Variants in TFIP11 observed in about 807,000 individuals in gnomAD.
The protein encoded by TFIP11 is tuftelin interacting protein 11.
A neutral mutation model predicts 96.8 loss-of-function variants in TFIP11; 86 were observed. That is an observed-to-expected ratio of 0.89 (90% CI 0.75 to 1.06). The LOEUF (loss-of-function observed/expected upper bound fraction) is 1.06, where lower values mean the gene tolerates loss of function less well. Ranked by LOEUF, TFIP11 falls within the 50% of genes least tolerant of loss-of-function variation. The pLI is 0.00. For synonymous variants in TFIP11, 405 were observed against 395.2 expected, an observed-to-expected ratio of 1.02 and a Z score of -0.29; for missense variants, 881 against 1,076.7, an observed-to-expected ratio of 0.82 and a Z score of 2.54.
Position 26,502,016 on chromosome 22 carries a change from G to T in TFIP11, c.685C>A (p.Pro229Thr). Residue 229 changes from proline to threonine, a missense_variant, in exon 8 of 15, where the codon CCA becomes ACA. Pro to Thr is a conservative substitution (Grantham distance 38). Coordinates refer to ENST00000407690, the MANE Select transcript of TFIP11 (RefSeq NM_012143.4). ...TTGGGCTTCTTCTTGCTTCCACTTG[G>T]GTCTTTCCTCCACTGGCTCAGCTCC... ...QKELSQWRKD[P>T]SGSKKKPKYS... The T allele has an allele frequency of 6.2e-7, 1 of 1,613,796 alleles. No homozygotes were observed. The highest frequency in any genetic ancestry group is 8.5e-7 in the Non-Finnish European group (1 of 1,179,988).
At chr22:26,496,691 G>A (rs1308434843) in intron 11 of TFIP11, 30 bp downstream of exon 11, 1 of 1,608,836 alleles carries the variant, frequency 6.2e-7, no homozygotes, top group East Asian at 2.2e-5. Flanking sequence ...GATTAGTGAT[G>A]ACGACTGTTT....
intron 13 of TFIP11, 35 bp downstream of exon 13, chr22:26,494,762 C>G (rs745800331): frequency 5.0e-6 from 8 of 1,613,246 alleles, no homozygotes; most frequent in African/African-American, 1.3e-5. Flanking sequence ...CCACCCAGTT[C>G]CCTCCCCCAG....
intron 8 of TFIP11, among the ~76,000 whole-genome samples, chr22:26,500,939 A>G (rs1922707651): frequency 1.5e-5 from 2 of 134,428 alleles, no homozygotes; most frequent in Admixed American, 1.8e-4. Flanking sequence ...GCTGGAGTGC[A>G]GTGGCACGAT....
chr22:26,508,719 C>A (rs1923705757), intron 4 of TFIP11, among the ~76,000 whole-genome samples: 1 of 152,102 alleles, frequency 6.6e-6, no homozygotes. Context: ...ATGGCACATG[C>A]CTGTAGTCCC....
intron 8 of TFIP11, among the ~76,000 whole-genome samples, chr22:26,501,434 A>C (rs1322069874): frequency 6.6e-6 from 1 of 152,098 alleles, no homozygotes; most frequent in Non-Finnish European, 1.5e-5. Context: ...TTATATACAA[A>C]CTAACCAGCC....
Position 26,499,642 on chromosome 22 carries a change from A to G in TFIP11, c.802-11T>C, listed in dbSNP as rs1274536466. Reference sequence around the variant, plus strand: ...TGTCATGTCTATGACCTTGGAAAACATAGAGGGATGAAGGTTAACACCGCT... The same window carrying G: ...TGTCATGTCTATGACCTTGGAAAACGTAGAGGGATGAAGGTTAACACCGCT... On this transcript the variant is annotated splice_polypyrimidine_tract_variant and intron_variant, in intron 8 of 14. Coordinates refer to ENST00000407690, the MANE Select transcript of TFIP11 (RefSeq NM_012143.4). 1 of 1,597,720 alleles carries G rather than the reference A, an allele frequency of 6.3e-7. No homozygotes were observed. Among genetic ancestry groups the G allele is most frequent in the Admixed American group, 1.7e-5 (1 of 59,446 alleles).
At chr22:26,500,878 C>CTTTTTTTT (rs397958538) in intron 8 of TFIP11, among the ~76,000 whole-genome samples, 10 of 102,070 alleles carry the variant, frequency 9.8e-5, no homozygotes, top group East Asian at 5.9e-4. Context: ...TAACGGAAAA[C>CTTTTTTTT]TTTTTTTTTT....
chr22:26,493,986 A>T, intron 14 of TFIP11, 153 bp downstream of exon 14: 1 of 781,790 alleles, frequency 1.3e-6, no homozygotes, highest in Non-Finnish European at 2.0e-6. Context: ...CATGTACCCC[A>T]GTCAGCAGGG....
chr22:26,507,966 G>C (rs1923618775), intron 4 of TFIP11, among the ~76,000 whole-genome samples: 1 of 152,166 alleles, frequency 6.6e-6, no homozygotes, highest in South Asian at 2.1e-4. Flanking sequence ...AACTAGCTGA[G>C]TGTGGTGGCA....
chr22:26,506,652 G>A (rs1009997631), intron 5 of TFIP11, 123 bp downstream of exon 5: 16 of 1,384,732 alleles, frequency 1.2e-5, no homozygotes, highest in Non-Finnish European at 1.6e-5. Context: ...ACAGAAACCT[G>A]CCACCAAAAG....
Position 26,492,061 on chromosome 22 carries a change from C to T in TFIP11, c.2466G>A (p.Lys822=). Reference sequence around the variant, plus strand: ...TCTGCAGTGAGGTGGGCACCCACGTCTTCTCGCCCTGGACAAAGACCACTC... The same window carrying T: ...TCTGCAGTGAGGTGGGCACCCACGTTTTCTCGCCCTGGACAAAGACCACTC... ...DRGVVFVQGE[K]TWVPTSLQSL... Residue 822 remains lysine (K), a synonymous_variant, in exon 15 of 15, where the codon AAG becomes AAA. Transcript: ENST00000407690. 6.2e-7 allele frequency: 1 copy of T among 1,610,270 alleles called. No individual in the cohort carries two copies. The highest frequency in any genetic ancestry group is 8.5e-7 in the Non-Finnish European group (1 of 1,178,292).
intron 4 of TFIP11, among the ~76,000 whole-genome samples, chr22:26,509,095 T>G (rs1923754686): frequency 6.6e-6 from 1 of 152,208 alleles, no homozygotes; most frequent in African/African-American, 2.4e-5. Flanking sequence ...AGTCTTCCAC[T>G]GTGGCTCCAT....
intron 14 of TFIP11, 163 bp from the exon 15 acceptor site, chr22:26,492,531 C>T: frequency 1.6e-6 from 1 of 625,972 alleles, no homozygotes; most frequent in Non-Finnish European, 2.8e-6. Flanking sequence ...AGACGACTGG[C>T]CAGTATCACA....
chr22:26,503,844 A>G, intron 6 of TFIP11, 51 bp from the exon 7 acceptor site: 1 of 1,598,984 alleles, frequency 6.3e-7, no homozygotes. Context: ...ACAGCAATTC[A>G]TGTATGTGAA....
chr22:26,496,068 C>T lies in TFIP11; in HGVS notation c.1849+5G>A, dbSNP rs778709659. 8 of 1,613,202 alleles carry T rather than the reference C, an allele frequency of 5.0e-6. No homozygotes were observed. The East Asian group carries it at 1.6e-4, about 31-fold the overall frequency. ...GGCTTGGAATGCATTTCCCCTTATC[C>T]TTACCCAGCTTGGGCACTATGTTTT... On this transcript the variant is annotated splice_donor_5th_base_variant and intron_variant, in intron 12 of 14. Coordinates refer to ENST00000407690, the MANE Select transcript of TFIP11 (RefSeq NM_012143.4).
chr22:26,506,524 C>A, intron 5 of TFIP11, 65 bp from the exon 6 acceptor site: 1 of 1,547,440 alleles, frequency 6.5e-7, no homozygotes, highest in Non-Finnish European at 8.7e-7. Flanking sequence ...TCTAAGAAAG[C>A]TTGGCCAACA....
chr22:26,499,731 A>C (rs891590633), intron 8 of TFIP11, 100 bp from the exon 9 acceptor site: 95 of 1,258,672 alleles, frequency 7.5e-5, no homozygotes, highest in Non-Finnish European at 8.7e-5. Flanking sequence ...AGTGTGTAGA[A>C]ACCACATTAT....
In TFIP11 at chr22:26,491,605, A is replaced by G; in HGVS notation, c.*408T>C. The G allele has an allele frequency of 6.2e-7, 1 of 1,614,172 alleles. No homozygotes were observed. Among genetic ancestry groups the G allele is most frequent in the South Asian group, 1.1e-5 (1 of 91,088 alleles). On this transcript the variant is annotated 3_prime_UTR_variant, in exon 15 of 15. Transcript: ENST00000407690. ...ATTTGGGAGTTTCGGGAAGAACCAG[A>G]TTATCAGGACTGTGAGGACCTTGAA... is the stretch of plus-strand genomic sequence containing the variant.
intron 4 of TFIP11, among the ~76,000 whole-genome samples, chr22:26,508,782 T>C (rs1376783103): frequency 1.3e-5 from 2 of 150,650 alleles, no homozygotes; most frequent in Non-Finnish European, 3.0e-5. Context: ...GAGGCAGAGG[T>C]TGCAGTGAGC....
Sources: gnomAD v4.1 joint callset for allele counts (sites outside exome capture counted in the v4.1 genomes callset) on GRCh38, gnomAD v4.1.1 for gene constraint, MANE v1.5 for transcripts, NCBI Gene and HGNC (gene_info 2026-07-23, HGNC 2026-07-21) for gene names.